SIPA1L3: variants seen among roughly 807,000 people sequenced by gnomAD.
SIPA1L3 encodes signal induced proliferation associated 1 like 3.
SIPA1L3 carries 59 observed loss-of-function variants against 150.1 expected under a neutral mutation model. That is an observed-to-expected ratio of 0.39 (90% CI 0.32 to 0.49). The LOEUF (loss-of-function observed/expected upper bound fraction) is 0.49, where lower values mean the gene tolerates loss of function less well. SIPA1L3 is among the 20% of genes least tolerant of loss of function. The pLI is 0.86. For synonymous variants in SIPA1L3, 1,070 were observed against 1,077.6 expected (o/e 0.99, Z 0.14); for missense variants, 2,211 against 2,489.5 (o/e 0.89, Z 2.38).
rs1370155832 is a variant in SIPA1L3, at chr19:38,207,539, G to A, written c.*1299G>A. 6.6e-6 allele frequency: 1 copy of A among 151,818 alleles called. No individual in the cohort carries two copies. Among genetic ancestry groups the A allele is most frequent in the Non-Finnish European group, 1.5e-5 (1 of 67,962 alleles). 9.4% of individuals were successfully genotyped at this position (151,818 alleles called of 1,614,324 possible). A position where few individuals can be genotyped will look rare whatever the true frequency, so the allele number is the denominator to read the frequency against. On this transcript the variant is annotated 3_prime_UTR_variant, in exon 22 of 22. Transcript: ENST00000222345. Reference sequence around the variant, plus strand: ...CCCCAACCTCAAGCTGAGGACCAAGGCGTGTCCCCTGTGGGCTGGGGGTCA... The same window carrying A: ...CCCCAACCTCAAGCTGAGGACCAAGACGTGTCCCCTGTGGGCTGGGGGTCA...
At chr19:38,018,661 A>G (rs948279002) in intron 1 of SIPA1L3, among the ~76,000 whole-genome samples, 2 of 152,136 alleles carry the variant, frequency 1.3e-5, no homozygotes, top group Admixed American at 6.5e-5. Flanking sequence ...TCTTCAGCTA[A>G]TGGACATTCT....
At chr19:37,929,696 C>T (rs992989694) in intron 1 of SIPA1L3, among the ~76,000 whole-genome samples, 1 of 152,132 alleles carries the variant, frequency 6.6e-6, no homozygotes, top group Non-Finnish European at 1.5e-5. Flanking sequence ...CTTGCAAAGG[C>T]TGTTTCCCCC....
chr19:37,965,813 C>T (rs972972536), intron 1 of SIPA1L3, among the ~76,000 whole-genome samples: 9 of 150,798 alleles, frequency 6.0e-5, no homozygotes, highest in African/African-American at 1.2e-4. Context: ...TTAAATTCCA[C>T]GTCAACCCTC....
rs759880332 is a variant in SIPA1L3, at chr19:38,088,782, G to A, written c.1596G>A (p.Arg532=). The A allele has an allele frequency of 2.5e-6, 4 of 1,614,150 alleles. No homozygotes were observed. The highest frequency in any genetic ancestry group is 1.1e-5 in the South Asian group (1 of 91,086). ...GGCCAGTGGCTGTGAGCATTAAGCG[G>A]GAGAAGCTGGAAGACCACAAGGAGC... is the stretch of plus-strand genomic sequence containing the variant. ...KLGPVAVSIK[R]EKLEDHKEHG... The change falls in exon 4 of 22, where the codon CGG becomes CGA. Residue 532 remains arginine, a synonymous_variant. Transcript: ENST00000222345.
intron 9 of SIPA1L3, among the ~76,000 whole-genome samples, chr19:38,123,253 GT>G (rs72041133): frequency 6.6e-5 from 9 of 137,286 alleles, no homozygotes; most frequent in Non-Finnish European, 7.8e-5. Flanking sequence ...GGGTTTTGGA[GT>G]TTTTTTTTTG....
chr19:38,208,031 C>CTTTT lies in SIPA1L3; in HGVS notation c.*1805_*1808dup, dbSNP rs878876734. On this transcript the variant is annotated 3_prime_UTR_variant, in exon 22 of 22. Transcript: ENST00000222345. Reference sequence around the variant, plus strand: ...CACCCCTTAGACCCTCATCGGGTCCCTTTTTTTTTTTTTTTTTCAGTTGTC... The same window carrying CTTTT: ...CACCCCTTAGACCCTCATCGGGTCCCTTTTTTTTTTTTTTTTTTTTTCAGTTGTC... 1 of 125,316 alleles carries CTTTT rather than the reference C, an allele frequency of 8.0e-6. No individual in the cohort carries two copies. The highest frequency in any genetic ancestry group is 2.9e-5 in the African/African-American group (1 of 34,348). The allele number at this position is 125,316 out of a possible 1,614,324, so 7.8% of individuals were successfully genotyped here. A position where few individuals can be genotyped will look rare whatever the true frequency, so the allele number is the denominator to read the frequency against.
intron 8 of SIPA1L3, 66 bp downstream of exon 8, chr19:38,110,450 G>A (rs1212272440): frequency 2.1e-5 from 31 of 1,480,866 alleles, no homozygotes. Flanking sequence ...GCCCAAGTGG[G>A]TCCCAGTACA....
intron 12 of SIPA1L3, among the ~76,000 whole-genome samples, chr19:38,150,840 T>A (rs979437571): frequency 2.5e-4 from 38 of 152,220 alleles, no homozygotes; most frequent in South Asian, 2.1e-3. Context: ...CACACCTGGC[T>A]AATATCAACA....
intron 1 of SIPA1L3, among the ~76,000 whole-genome samples, chr19:37,957,834 C>G (rs353427): frequency 0.31 from 46,594 of 151,834 alleles, 8,851 homozygotes; most frequent in East Asian, 0.68. Flanking sequence ...ACCTTAGCTT[C>G]TGGAGTAGCT....
chr19:38,173,550 CTCGGCTCCACATGGAGCTGA>C (rs1166970606), intron 15 of SIPA1L3: 2 of 152,312 alleles, frequency 1.3e-5, no homozygotes, highest in African/African-American at 2.4e-5. Context: ...GTCATAGGCT[CTCGGCTCCACATGGAGCTGA>C]CGCAGCCGGG....
intron 1 of SIPA1L3, among the ~76,000 whole-genome samples, chr19:37,961,134 G>A (rs574145458): frequency 1.3e-5 from 2 of 150,586 alleles, no homozygotes; most frequent in East Asian, 2.0e-4. Flanking sequence ...TTTCCAGAGT[G>A]CTGGAATTAC....
At chr19:37,940,370 A>G (rs760769101) in intron 1 of SIPA1L3, among the ~76,000 whole-genome samples, 53 of 152,074 alleles carry the variant, frequency 3.5e-4, no homozygotes, top group Non-Finnish European at 4.0e-4. Context: ...TATATCCACC[A>G]CCACCCACCC....
intron 13 of SIPA1L3, among the ~76,000 whole-genome samples, chr19:38,160,968 G>C (rs2145977307): frequency 6.6e-6 from 1 of 152,328 alleles, no homozygotes; most frequent in Middle Eastern, 3.4e-3. Flanking sequence ...AAGATATAAA[G>C]AGAAAAGCAA....
intron 1 of SIPA1L3, among the ~76,000 whole-genome samples, chr19:37,917,670 G>C (rs1297991447): frequency 6.6e-6 from 1 of 152,122 alleles, no homozygotes; most frequent in African/African-American, 2.4e-5. Flanking sequence ...TAGGGTCTGA[G>C]TTTTGAGCAA....
intron 14 of SIPA1L3, among the ~76,000 whole-genome samples, chr19:38,162,637 G>A (rs536746641): frequency 2.6e-5 from 4 of 152,340 alleles, no homozygotes; most frequent in East Asian, 1.9e-4. Context: ...TGCTGTAACA[G>A]ACAGCCCCGA....
intron 1 of SIPA1L3, among the ~76,000 whole-genome samples, chr19:37,916,384 C>T (rs990724203): frequency 2.6e-5 from 4 of 151,350 alleles, no homozygotes; most frequent in Admixed American, 6.6e-5. Flanking sequence ...CCTATAATCC[C>T]AGCTACTCAG....
At chr19:38,054,503 G>A (rs994482859) in intron 2 of SIPA1L3, among the ~76,000 whole-genome samples, 19 of 152,350 alleles carry the variant, frequency 1.2e-4, no homozygotes, top group Middle Eastern at 3.4e-3. Context: ...CTACTCAGCA[G>A]GCAGAGGCAG....
At chr19:38,027,565 G>A (rs925529631) in intron 1 of SIPA1L3, among the ~76,000 whole-genome samples, 5 of 152,152 alleles carry the variant, frequency 3.3e-5, no homozygotes, top group African/African-American at 1.2e-4. Flanking sequence ...AGTGGAGCAG[G>A]GAGGTGTTGC....
chr19:38,201,766 G>A, intron 19 of SIPA1L3, 96 bp from the exon 20 acceptor site: 1 of 1,353,226 alleles, frequency 7.4e-7, no homozygotes, highest in South Asian at 1.5e-5. Flanking sequence ...GTGATAGGAG[G>A]CATCATGGAG....
Sources: allele counts gnomAD v4.1 joint callset (sites outside exome capture counted in the v4.1 genomes callset), GRCh38; gene constraint gnomAD v4.1.1; transcripts MANE v1.5; gene names NCBI Gene and HGNC (gene_info 2026-07-23, HGNC 2026-07-21).